Variants in SUSD6 observed in about 807,000 individuals in gnomAD.
The protein encoded by SUSD6 is sushi domain-containing protein 6.
Under a neutral mutation model 28.4 loss-of-function variants are expected in SUSD6, and 16 were observed. The observed-to-expected ratio is 0.56, with a 90% CI of 0.38 to 0.86. The LOEUF (loss-of-function observed/expected upper bound fraction) is 0.86. Ranked by LOEUF, SUSD6 falls within the 40% of genes least tolerant of loss-of-function variation. The pLI is 0.00. For missense variants in SUSD6, 341 were observed against 384.2 expected, an observed-to-expected ratio of 0.89 and a Z score of 0.94; for synonymous variants, 147 against 159.6, an observed-to-expected ratio of 0.92 and a Z score of 0.59.
chr14:69,617,972 A>G (rs561352819), intron 1 of SUSD6, among the ~76,000 whole-genome samples: 1 of 152,286 alleles, frequency 6.6e-6, no homozygotes, highest in Non-Finnish European at 1.5e-5. Flanking sequence ...GAGGTTAAAA[A>G]CAGATCATGC....
At chr14:69,622,993 C>A (rs563624067) in intron 1 of SUSD6, among the ~76,000 whole-genome samples, 41 of 152,334 alleles carry the variant, frequency 2.7e-4, no homozygotes, top group African/African-American at 9.9e-4. Flanking sequence ...ATGCATATGG[C>A]AGCAACTGTA....
chr14:69,620,919 T>C (rs1049469674), intron 1 of SUSD6, among the ~76,000 whole-genome samples: 5 of 152,238 alleles, frequency 3.3e-5, no homozygotes, highest in Non-Finnish European at 5.9e-5. Context: ...TTAGGGAATC[T>C]TTTTTCTTCC....
chr14:69,677,495 C>T (rs1339904573), intron 2 of SUSD6, among the ~76,000 whole-genome samples: 1 of 149,436 alleles, frequency 6.7e-6, no homozygotes, highest in Admixed American at 6.7e-5. Flanking sequence ...TCCAGTGAGC[C>T]AAGATCACGC....
rs1885849148 is a variant in SUSD6, at chr14:69,672,554, C to CTTT, written c.121+13843_121+13844insTTT. ...GTCCTATTAGGCTGTGGTGGAAGTA[C>CTTT]TTGAGATGCCAGGTTCTGCATCACA... On this transcript the variant is annotated intron_variant, in intron 2 of 5. Coordinates refer to ENST00000342745, the MANE Select transcript of SUSD6 (RefSeq NM_014734.4). Among the ~76,000 whole-genome samples the CTTT allele has an allele frequency of 2.0e-5, 3 of 152,310 alleles. No homozygotes were observed. In the South Asian group the frequency reaches 6.2e-4, roughly 32 times the overall value.
At chr14:69,675,674 T>C (rs1261811252) in intron 2 of SUSD6, among the ~76,000 whole-genome samples, 1 of 152,216 alleles carries the variant, frequency 6.6e-6, no homozygotes, top group Non-Finnish European at 1.5e-5. Context: ...AACACTTGCT[T>C]GTATATCATG....
intron 2 of SUSD6, among the ~76,000 whole-genome samples, chr14:69,694,472 A>G (rs1886195584): frequency 6.6e-6 from 1 of 152,086 alleles, no homozygotes; most frequent in South Asian, 2.1e-4. Context: ...GGTAAGCTCC[A>G]CCCTGTGCTG....
chr14:69,625,946 A>G (rs1885108244), intron 1 of SUSD6, among the ~76,000 whole-genome samples: 1 of 152,064 alleles, frequency 6.6e-6, no homozygotes, highest in Admixed American at 6.6e-5. Context: ...TTCTCTAAGG[A>G]AGGCCTCTCT....
intron 2 of SUSD6, among the ~76,000 whole-genome samples, chr14:69,693,000 G>A (rs1886174282): frequency 1.3e-5 from 2 of 152,172 alleles, no homozygotes; most frequent in African/African-American, 4.8e-5. Flanking sequence ...GAAAAAATAA[G>A]CATTCTCTGC....
chr14:69,709,227 G>C (rs564671283), intron 5 of SUSD6, 123 bp downstream of exon 5: 1 of 897,266 alleles, frequency 1.1e-6, no homozygotes, highest in Admixed American at 3.1e-5. Flanking sequence ...AGTACCTGGG[G>C]TATTTGCCTA....
chr14:69,676,657 A>C (rs2139627590), intron 2 of SUSD6, among the ~76,000 whole-genome samples: 1 of 152,292 alleles, frequency 6.6e-6, no homozygotes, highest in Non-Finnish European at 1.5e-5. Flanking sequence ...GGCCTCCCAG[A>C]GTGCTGGGAT....
chr14:69,634,804 TC>T (rs1425181354), intron 1 of SUSD6, among the ~76,000 whole-genome samples: 8 of 152,174 alleles, frequency 5.3e-5, no homozygotes, highest in Non-Finnish European at 1.0e-4. Context: ...TGGGGTGGCA[TC>T]CCCACTACTG....
chr14:69,699,257 G>A (rs1214698102), intron 2 of SUSD6, among the ~76,000 whole-genome samples: 1 of 152,038 alleles, frequency 6.6e-6, no homozygotes, highest in East Asian at 1.9e-4. Context: ...AGGCTGGAGT[G>A]CAGTGGTGCA....
chr14:69,661,326 C>T (rs984658744), intron 2 of SUSD6, among the ~76,000 whole-genome samples: 1 of 152,204 alleles, frequency 6.6e-6, no homozygotes, highest in Non-Finnish European at 1.5e-5. Context: ...GCTTCCCACT[C>T]AAGATCCGAA....
intron 1 of SUSD6, among the ~76,000 whole-genome samples, chr14:69,652,842 T>C (rs1034456347): frequency 6.6e-6 from 1 of 152,220 alleles, no homozygotes; most frequent in African/African-American, 2.4e-5. Flanking sequence ...CATGTGAACT[T>C]TGGGCTTGTG....
rs370308194 is a variant in SUSD6 at position 69,693,833 on chromosome 14, T to TA, written c.122-9561dup. On this transcript the variant is annotated intron_variant, in intron 2 of 5. Coordinates refer to ENST00000342745, the MANE Select transcript of SUSD6 (RefSeq NM_014734.4). ...TGTCTGACCCCCAAGACTATGCTCT[T>TA]ACTCCATGTGGCTCTGGTCCTGTTA... 2.3e-3 allele frequency among the ~76,000 whole-genome samples: 344 copies of TA among 152,342 alleles called. 3 individuals carry two copies. The highest frequency in any genetic ancestry group is 7.9e-3 in the African/African-American group (328 of 41,570).
At position 69,705,372 on chromosome 14, in the gene SUSD6, C is replaced by T. The variant is rs551335000; in HGVS notation, c.458+630C>T. ...AATCTGTTCAATTCCAAAGCCATGT[C>T]ATTTCCCCTACACCAGTCGTTCTCA... On this transcript the variant is annotated intron_variant, in intron 4 of 5. Coordinates refer to ENST00000342745, the MANE Select transcript of SUSD6 (RefSeq NM_014734.4). 4.0e-5 allele frequency among the ~76,000 whole-genome samples: 6 copies of T among 151,768 alleles called. No individual in the cohort carries two copies. In the South Asian group the frequency reaches 8.3e-4, roughly 21 times the overall value.
At chr14:69,649,523 A>G (rs1485813451) in intron 1 of SUSD6, among the ~76,000 whole-genome samples, 1 of 152,244 alleles carries the variant, frequency 6.6e-6, no homozygotes, top group African/African-American at 2.4e-5. Flanking sequence ...TGTTTTATAC[A>G]TGCTGTTATT....
intron 2 of SUSD6, among the ~76,000 whole-genome samples, chr14:69,692,160 T>G: frequency 6.6e-6 from 1 of 152,168 alleles, no homozygotes; most frequent in East Asian, 1.9e-4. Flanking sequence ...TACACAGAAA[T>G]TAGTGAAGGA....
intron 1 of SUSD6, among the ~76,000 whole-genome samples, chr14:69,638,941 A>G (rs2139601492): frequency 6.6e-6 from 1 of 152,148 alleles, no homozygotes; most frequent in East Asian, 1.9e-4. Flanking sequence ...TTTGGTTTCC[A>G]AGGTATAAGA....
Sources: gnomAD v4.1 joint callset for allele counts (sites outside exome capture counted in the v4.1 genomes callset) on GRCh38, gnomAD v4.1.1 for gene constraint, MANE v1.5 for transcripts, NCBI Gene and HGNC (gene_info 2026-07-23, HGNC 2026-07-21) for gene names.